CLN6: variants seen among roughly 807,000 people sequenced by gnomAD.
CLN6 encodes the protein ceroid-lipofuscinosis neuronal protein 6.
A neutral mutation model predicts 33.3 loss-of-function variants in CLN6; 22 were observed. The ratio of observed to expected loss-of-function variants is 0.66; its 90% CI spans 0.47 to 0.94. The LOEUF (loss-of-function observed/expected upper bound fraction) is 0.94. Ranked by LOEUF, CLN6 falls within the 40% of genes least tolerant of loss-of-function variation. The pLI is 0.00. For missense variants in CLN6, 387 were observed against 417.1 expected, an observed-to-expected ratio of 0.93 and a Z score of 0.63; for synonymous variants, 201 against 174.6, an observed-to-expected ratio of 1.15 and a Z score of -1.19.
rs1028057666 is a variant in CLN6, at chr15:68,234,834, T to C, written c.180-16184A>G. 5.3e-5 allele frequency among the ~76,000 whole-genome samples: 8 copies of C among 152,142 alleles called. No individual in the cohort carries two copies. Among genetic ancestry groups the C allele is most frequent in the Non-Finnish European group, 1.0e-4 (7 of 68,014 alleles). ...GAGTTTGAGACCAGCCTGGCCAACA[T>C]AGTGAAACTCCGTCTCTACTAAAAA... On this transcript the variant is annotated intron_variant, in intron 1 of 6. Coordinates refer to the CLN6 transcript ENST00000538696. This position sits in a 1 kb window ranked among gnomAD's most constrained non-coding sequence, Gnocchi z 4.1.
Position 68,210,762 on chromosome 15 carries a change from G to T in CLN6, c.542+501C>A, listed in dbSNP as rs1407484310. Reference sequence around the variant, plus strand: ...GGTGCCCCTCTGGGAGTTCTGAAGAGGGGGGAGCGCAAACAGCACGCCCCT... The same window carrying T: ...GGTGCCCCTCTGGGAGTTCTGAAGATGGGGGAGCGCAAACAGCACGCCCCT... On this transcript the variant is annotated intron_variant, in intron 5 of 6. Coordinates refer to ENST00000249806, the MANE Select transcript of CLN6 (RefSeq NM_017882.3). The surrounding 1 kb of genome is among the most constrained non-coding windows in gnomAD (Gnocchi z 5.6). 6.6e-6 allele frequency among the ~76,000 whole-genome samples: 1 copy of T among 152,172 alleles called. No homozygotes were observed. The highest frequency in any genetic ancestry group is 1.5e-5 in the Non-Finnish European group (1 of 68,018).
At position 68,227,849 on chromosome 15, in the gene CLN6, T is replaced by TCTGA. The variant is rs2141154668; in HGVS notation, c.83+1649_83+1652dup. ...CACAGGAGATAAAGTGGTGACCCTA[T>TCTGA]CTGAGACCCACAGGCTGTTCCCATT... On this transcript the variant is annotated intron_variant, in intron 1 of 6. Transcript: ENST00000249806. The surrounding 1 kb of genome is among the most constrained non-coding windows in gnomAD (Gnocchi z 4.1). Among the ~76,000 whole-genome samples, 1 of 152,310 alleles carries TCTGA rather than the reference T, an allele frequency of 6.6e-6. No homozygotes were observed. The highest frequency in any genetic ancestry group is 2.4e-5 in the African/African-American group (1 of 41,558).
intron 1 of CLN6, among the ~76,000 whole-genome samples, chr15:68,223,615 G>A (rs558316930): frequency 2.7e-4 from 41 of 152,266 alleles, no homozygotes; most frequent in African/African-American, 9.6e-4. Context: ...ACACTTAGAT[G>A]TGTGTATCTG....
At chr15:68,217,920 T>TAC (rs879384455) in intron 2 of CLN6, among the ~76,000 whole-genome samples, 790 of 10,106 alleles carry the variant, frequency 0.078, 10 homozygotes, top group Non-Finnish European at 0.14. Context: ...TACCTACCTA[T>TAC]CTATCTTCCA....
At chr15:68,250,624 C>CAAA (rs57895966) in intron 1 of CLN6, among the ~76,000 whole-genome samples, 12 of 61,580 alleles carry the variant, frequency 1.9e-4, no homozygotes, top group African/African-American at 3.4e-4. Flanking sequence ...GACTCTGTCT[C>CAAA]AAAAAAAAAA....
intron 1 of CLN6, among the ~76,000 whole-genome samples, chr15:68,250,609 A>G (rs2141166262): frequency 6.9e-6 from 1 of 145,314 alleles, no homozygotes; most frequent in Middle Eastern, 3.5e-3. Flanking sequence ...TGGGCGACAG[A>G]GCGAGACTCT....
chr15:68,240,445 A>G, intron 1 of CLN6, among the ~76,000 whole-genome samples: 1 of 151,578 alleles, frequency 6.6e-6, no homozygotes, highest in Non-Finnish European at 1.5e-5. Context: ...TAAAAATACA[A>G]AAAAAATTAT....
intron 2 of CLN6, chr15:68,214,681 T>G: frequency 2.6e-6 from 1 of 389,022 alleles, no homozygotes. Flanking sequence ...AGATACCAAA[T>G]AAATGACCCT....
chr15:68,232,913 G>T (rs971316842), upstream of CLN6, among the ~76,000 whole-genome samples: 1 of 152,130 alleles, frequency 6.6e-6, no homozygotes, highest in African/African-American at 2.4e-5. This position sits in a 1 kb window ranked among gnomAD's most constrained non-coding sequence, Gnocchi z 4.7. Context: ...GTCGTGGCAT[G>T]TGCCTGTAAT....
At chr15:68,217,633 G>A (rs1483214235) in intron 2 of CLN6, among the ~76,000 whole-genome samples, 3 of 152,088 alleles carry the variant, frequency 2.0e-5, no homozygotes, top group East Asian at 1.9e-4. Flanking sequence ...AGTGACCTTC[G>A]AAAAGTCACT....
In CLN6 at chr15:68,237,984, G is replaced by A. The variant is rs369784941; in HGVS notation, c.179+18706C>T. On this transcript the variant is annotated intron_variant, in intron 1 of 6. Transcript: ENST00000538696. ...CTAAAAATACAAAAATTAGCTGAGCGTGGTGGTGGGTGCCTGTAGTCCCAG... is the reference window on the plus strand; with the variant it reads ...CTAAAAATACAAAAATTAGCTGAGCATGGTGGTGGGTGCCTGTAGTCCCAG... 4.1e-4 allele frequency among the ~76,000 whole-genome samples: 63 copies of A among 152,150 alleles called. No individual in the cohort carries two copies. In the South Asian group the frequency reaches 0.012, roughly 30 times the overall value.
rs2141137574 is a variant in CLN6 at position 68,210,008 on chromosome 15, C to A, written c.543-249G>T. ...AGAGGCATCCACACCGCCCAGGGCA[C>A]CTCACTCACTCCGTGGGGGTAAGGG... On this transcript the variant is annotated intron_variant, in intron 5 of 6. Coordinates refer to ENST00000249806, the MANE Select transcript of CLN6 (RefSeq NM_017882.3). The surrounding 1 kb of genome is among the most constrained non-coding windows in gnomAD (Gnocchi z 5.6). 6.6e-6 allele frequency among the ~76,000 whole-genome samples: 1 copy of A among 152,304 alleles called. No homozygotes were observed. Among genetic ancestry groups the A allele is most frequent in the South Asian group, 2.1e-4 (1 of 4,832 alleles).
chr15:68,229,366 C>T, intron 1 of CLN6, 136 bp downstream of exon 1: 4 of 588,118 alleles, frequency 6.8e-6, no homozygotes, highest in Non-Finnish European at 7.8e-6. Flanking sequence ...CCTCCAAGCC[C>T]CCCGCGCTCC....
rs117170222 is a variant in CLN6, at chr15:68,209,154, C to T, written c.665+483G>A. 6.1e-3 allele frequency among the ~76,000 whole-genome samples: 929 copies of T among 152,300 alleles called. 4 individuals carry two copies. The highest frequency in any genetic ancestry group is 0.032 in the East Asian group (167 of 5,182). On this transcript the variant is annotated intron_variant, in intron 6 of 6. Coordinates refer to ENST00000249806, the MANE Select transcript of CLN6 (RefSeq NM_017882.3). This position sits in a 1 kb window ranked among gnomAD's most constrained non-coding sequence, Gnocchi z 4.9. Reference sequence around the variant, plus strand: ...AAAGACCCAAGGCCAGAAGCCCCTACGCCATGAAACCCCCCAGTCTGGCCT... The same window carrying T: ...AAAGACCCAAGGCCAGAAGCCCCTATGCCATGAAACCCCCCAGTCTGGCCT...
chr15:68,232,160 A>T (rs528772219), upstream of CLN6, among the ~76,000 whole-genome samples: 26 of 142,450 alleles, frequency 1.8e-4, no homozygotes, highest in East Asian at 1.4e-3. This position sits in a 1 kb window ranked among gnomAD's most constrained non-coding sequence, Gnocchi z 4.7. Context: ...TGTATCCGAT[A>T]TTTTTTTTTT....
upstream of CLN6, chr15:68,257,137 C>A (rs1335114000): frequency 3.0e-6 from 1 of 338,962 alleles, no homozygotes. Flanking sequence ...GAGCGCACGG[C>A]AGCGGTGCCC....
In CLN6 at chr15:68,208,094, G is replaced by GGGCCCCCCCCCCCCCC; in HGVS notation, c.*45_*46insGGGGGGGGGGGGGGCC. The GGGCCCCCCCCCCCCCC allele has an allele frequency of 1.0e-5, 14 of 1,375,274 alleles. No individual in the cohort carries two copies. Among genetic ancestry groups the GGGCCCCCCCCCCCCCC allele is most frequent in the African/African-American group, 1.4e-5 (1 of 69,478 alleles). 85.2% of individuals were successfully genotyped at this position (1,375,274 alleles called of 1,614,324 possible). ...CTCCTGTATTCAGATGCCCTCCATG[G>GGGCCCCCCCCCCCCCC]CCCACCCTCCCACCCAGCAGAGCGC... On this transcript the variant is annotated 3_prime_UTR_variant, in exon 7 of 7. Coordinates refer to ENST00000249806, the MANE Select transcript of CLN6 (RefSeq NM_017882.3). The surrounding 1 kb of genome is among the most constrained non-coding windows in gnomAD (Gnocchi z 5.8).
Position 68,216,489 on chromosome 15 carries a change from T to C in CLN6, c.198+2047A>G, listed in dbSNP as rs146114978. On this transcript the variant is annotated intron_variant, in intron 2 of 6. Coordinates refer to ENST00000249806, the MANE Select transcript of CLN6 (RefSeq NM_017882.3). The stretch of plus-strand genomic sequence containing the variant: ...CACCCACCATCACTCCCTGACAGCA[T>C]TGCCAGGACAGCTTTTCTTTACACC... Among the ~76,000 whole-genome samples, 16 of 152,336 alleles carry C rather than the reference T, an allele frequency of 1.1e-4. No homozygotes were observed. The East Asian group carries it at 1.3e-3, about 13-fold the overall frequency.
At chr15:68,229,772 A>AGCGGAGGGAGGCGGG (rs2093264512), upstream of CLN6, 5 of 268,772 alleles carry the variant, frequency 1.9e-5, no homozygotes, top group Admixed American at 6.3e-5. Context: ...AGCGGAGCGG[A>AGCGGAGGGAGGCGGG]GCGGAGGGAG....
Sources: allele counts gnomAD v4.1 joint callset (sites outside exome capture counted in the v4.1 genomes callset), GRCh38; gene constraint gnomAD v4.1.1; non-coding constraint Gnocchi (gnomAD v3.1); transcripts MANE v1.5; gene names NCBI Gene and HGNC (gene_info 2026-07-23, HGNC 2026-07-21).